The following E2F3 variants were observed in gnomAD, a reference collection of about 807,000 sequenced individuals.
E2F3 encodes the protein transcription factor E2F3.
Under a neutral mutation model 44.4 loss-of-function variants are expected in E2F3, and 11 were observed. The observed-to-expected ratio is 0.25, with a 90% CI of 0.16 to 0.41. The LOEUF is 0.41. E2F3 is among the 10% of genes least tolerant of loss of function. The pLI, the probability that E2F3 is intolerant of heterozygous loss-of-function variation, is 1.00. For missense variants in E2F3, 487 were observed against 583.6 expected, an observed-to-expected ratio of 0.83 and a Z score of 1.70; for synonymous variants, 249 against 253.0, an observed-to-expected ratio of 0.98 and a Z score of 0.15.
intron 1 of E2F3, among the ~76,000 whole-genome samples, chr6:20,457,153 G>A (rs1761332123): frequency 1.3e-5 from 2 of 151,958 alleles, no homozygotes; most frequent in Non-Finnish European, 1.5e-5. Flanking sequence ...GGTTCAGCTA[G>A]TGTACCCTTT....
At chr6:20,454,750 T>C (rs1014729109) in intron 1 of E2F3, among the ~76,000 whole-genome samples, 14 of 152,230 alleles carry the variant, frequency 9.2e-5, no homozygotes, top group African/African-American at 2.7e-4. Context: ...GATACCAGAA[T>C]GGCAAATACT....
chr6:20,409,838 C>T (rs747631119), intron 1 of E2F3, among the ~76,000 whole-genome samples: 51 of 152,164 alleles, frequency 3.4e-4, no homozygotes, highest in Non-Finnish European at 5.7e-4. Context: ...TTAGGGGCAG[C>T]GATATATGGC....
intron 1 of E2F3, among the ~76,000 whole-genome samples, chr6:20,434,770 T>C (rs1423644869): frequency 6.6e-6 from 1 of 152,242 alleles, no homozygotes; most frequent in Admixed American, 6.5e-5. Flanking sequence ...GCAAGCTTTA[T>C]AATGCCTGTG....
Position 20,436,452 on chromosome 6 carries a change from A to AACACACACACACAC in E2F3, c.393+33841_393+33854dup, listed in dbSNP as rs765678025. Among the ~76,000 whole-genome samples, 688 of 146,268 alleles carry AACACACACACACAC rather than the reference A, an allele frequency of 4.7e-3. 5 individuals carry two copies. Among genetic ancestry groups the AACACACACACACAC allele is most frequent in the African/African-American group, 0.016 (629 of 39,078 alleles). ...ACTAACAATAGCTGATGAGCTAGGA[A>AACACACACACACAC]ACACACACACACACACACACACACA... is the stretch of plus-strand genomic sequence containing the variant. On this transcript the variant is annotated intron_variant, in intron 1 of 6. Coordinates refer to ENST00000346618, the MANE Select transcript of E2F3 (RefSeq NM_001949.5).
chr6:20,415,839 A>T (rs1001350883), intron 1 of E2F3, among the ~76,000 whole-genome samples: 16 of 152,130 alleles, frequency 1.1e-4, no homozygotes, highest in Non-Finnish European at 2.1e-4. Flanking sequence ...TGGCTGCTGG[A>T]AGCCTCTCTA....
Position 20,488,228 on chromosome 6 carries a change from T to C in E2F3, c.1115T>C (p.Ile372Thr). The C allele has an allele frequency of 6.3e-7, 1 of 1,587,954 alleles. No individual in the cohort carries two copies. Among genetic ancestry groups the C allele is most frequent in the Non-Finnish European group, 8.5e-7 (1 of 1,173,500 alleles). ...KTNNQDHNGN[I>T]PKPASKDLAS... The stretch of plus-strand genomic sequence containing the variant: ...AACAACCAAGACCACAATGGGAATA[T>C]CCCTAAACCCGCTTCCAAAGGTAAA... Residue 372 changes from isoleucine (I) to threonine (T), a missense_variant, in exon 6 of 7, where the codon ATC (isoleucine) becomes ACC (threonine). Around this residue, in one of 3 missense-constraint regions of E2F3, gnomAD observed 220 missense variants for 261.7 expected, o/e 0.84. Transcript: ENST00000346618.
At chr6:20,478,346 T>TG (rs1298410700) in intron 1 of E2F3, among the ~76,000 whole-genome samples, 2 of 152,236 alleles carry the variant, frequency 1.3e-5, no homozygotes, top group Non-Finnish European at 2.9e-5. Context: ...CGAAATTCAG[T>TG]GTGTATTTTA....
intron 1 of E2F3, among the ~76,000 whole-genome samples, chr6:20,457,187 C>T (rs1177187586): frequency 5.9e-5 from 9 of 151,644 alleles, no homozygotes; most frequent in African/African-American, 2.2e-4. Context: ...CTCTCTTTTT[C>T]TTTTTGAGAA....
At chr6:20,406,694 CTTTT>C (rs951456548) in intron 1 of E2F3, among the ~76,000 whole-genome samples, 1 of 152,166 alleles carries the variant, frequency 6.6e-6, no homozygotes, top group Non-Finnish European at 1.5e-5. Flanking sequence ...ATCATCCTCA[CTTTT>C]TTGCCTGAGT....
intron 1 of E2F3, among the ~76,000 whole-genome samples, chr6:20,411,761 C>A (rs920096561): frequency 3.9e-5 from 6 of 152,358 alleles, no homozygotes; most frequent in Admixed American, 3.9e-4. Flanking sequence ...CAGCCTCCCC[C>A]AGTTTCCCAG....
chr6:20,478,325 T>C (rs376582841), intron 1 of E2F3, among the ~76,000 whole-genome samples: 1 of 152,248 alleles, frequency 6.6e-6, no homozygotes, highest in African/African-American at 2.4e-5. Context: ...CCCTGTTTTG[T>C]ACTAAGTCTT....
At chr6:20,462,032 GTC>G (rs894865615) in intron 1 of E2F3, among the ~76,000 whole-genome samples, 1 of 152,108 alleles carries the variant, frequency 6.6e-6, no homozygotes, top group Admixed American at 6.5e-5. Flanking sequence ...CCATTTAGTA[GTC>G]TCTTCTAGGA....
rs1759315593 is a variant in E2F3 at position 20,401,912 on chromosome 6, T to A, written c.-321T>A. On this transcript the variant is annotated 5_prime_UTR_variant, in exon 1 of 7. Coordinates refer to ENST00000346618, the MANE Select transcript of E2F3 (RefSeq NM_001949.5). ...TCAGCAGCAGCTTCCTGGAGCCATT[T>A]TTCAGCTGCCGGCCGCAGCACCCGG... The A allele has an allele frequency of 2.5e-6, 1 of 393,226 alleles. No homozygotes were observed. Among genetic ancestry groups the A allele is most frequent in the Admixed American group, 4.4e-5 (1 of 22,758 alleles). The allele number at this position is 393,226 out of a possible 1,614,324, so 24.4% of individuals were successfully genotyped here. A position where few individuals can be genotyped will look rare whatever the true frequency, so the allele number is the denominator to read the frequency against.
At chr6:20,403,712 C>CA in intron 1 of E2F3, 1 of 912,266 alleles carries the variant, frequency 1.1e-6, no homozygotes. Flanking sequence ...CCCACCCCCC[C>CA]ACCGGCGCCC....
At chr6:20,427,077 G>A (rs962680354) in intron 1 of E2F3, among the ~76,000 whole-genome samples, 3 of 152,200 alleles carry the variant, frequency 2.0e-5, no homozygotes, top group Non-Finnish European at 2.9e-5. Flanking sequence ...AGAATGAAAA[G>A]TTCTGCATAA....
At chr6:20,483,035 A>G in intron 4 of E2F3, 115 bp downstream of exon 4, 5 of 1,474,696 alleles carry the variant, frequency 3.4e-6, no homozygotes, top group South Asian at 2.4e-5. Context: ...GCAAATGAGT[A>G]CCTGTGTGCC....
intron 3 of E2F3, among the ~76,000 whole-genome samples, chr6:20,482,420 C>T (rs1319447354): frequency 2.0e-5 from 3 of 146,490 alleles, no homozygotes; most frequent in Non-Finnish European, 3.0e-5. Flanking sequence ...CGCCTTTCTT[C>T]CCCCACCACC....
At chr6:20,461,717 C>A (rs1761516269) in intron 1 of E2F3, among the ~76,000 whole-genome samples, 2 of 152,018 alleles carry the variant, frequency 1.3e-5, no homozygotes, top group African/African-American at 4.8e-5. Context: ...GTGTGATTGG[C>A]CTGTGTTGAT....
intron 1 of E2F3, among the ~76,000 whole-genome samples, chr6:20,409,354 G>A (rs1044655974): frequency 2.2e-4 from 33 of 152,200 alleles, no homozygotes; most frequent in African/African-American, 6.3e-4. Flanking sequence ...TCTTCAAAAC[G>A]TGATAGTAAT....
Sources: gnomAD v4.1 joint callset for allele counts (sites outside exome capture counted in the v4.1 genomes callset) on GRCh38, gnomAD v4.1.1 for gene constraint, gnomAD v4.1.1 regional missense constraint, MANE v1.5 for transcripts, NCBI Gene and HGNC (gene_info 2026-07-23, HGNC 2026-07-21) for gene names.